Variants in SYNPR observed in about 807,000 individuals in gnomAD.
SYNPR encodes the protein synaptoporin.
In SYNPR, 23 loss-of-function variants were observed where a neutral mutation model predicts 32.9. The ratio of observed to expected loss-of-function variants is 0.70; its 90% CI spans 0.50 to 0.99. The LOEUF (loss-of-function observed/expected upper bound fraction) is 0.99, where lower values mean the gene tolerates loss of function less well. Among genes scored for constraint, SYNPR ranks in the 50% least tolerant of loss-of-function variants. The pLI is 0.00. For missense variants in SYNPR, 318 were observed against 349.3 expected, an observed-to-expected ratio of 0.91 and a Z score of 0.71; for synonymous variants, 146 against 135.9, an observed-to-expected ratio of 1.07 and a Z score of -0.52.
chr3:63,207,307 TA>T, the SYNPR span, among the ~76,000 whole-genome samples: 1 of 152,174 alleles, frequency 6.6e-6, no homozygotes, highest in Non-Finnish European at 1.5e-5. Flanking sequence ...TTTTCCTCTA[TA>T]AAGCATTCTG....
At chr3:63,609,352 C>A (rs371121771) in intron 5 of SYNPR, 36 bp downstream of exon 5, 2 of 1,439,498 alleles carry the variant, frequency 1.4e-6, no homozygotes, top group African/African-American at 2.9e-5. Context: ...CTGTTCATAT[C>A]TTTGTTTGCC....
chr3:63,462,016 C>G (rs1700592536), intron 2 of SYNPR, among the ~76,000 whole-genome samples: 1 of 152,040 alleles, frequency 6.6e-6, no homozygotes, highest in Non-Finnish European at 1.5e-5. Flanking sequence ...GAAGACCCAT[C>G]CCGTCTTGCC....
intron 2 of SYNPR, among the ~76,000 whole-genome samples, chr3:63,442,251 C>CGAGAGA (rs10537945): frequency 2.0e-5 from 3 of 150,136 alleles, no homozygotes; most frequent in Non-Finnish European, 3.0e-5. Flanking sequence ...GGAAGGAAAG[C>CGAGAGA]GAGAGAGAGA....
chr3:63,311,380 A>T (rs2086961953), intron 2 of SYNPR, among the ~76,000 whole-genome samples: 1 of 152,012 alleles, frequency 6.6e-6, no homozygotes, highest in Non-Finnish European at 1.5e-5. Flanking sequence ...ATAAAAGTAG[A>T]TAATGTAGAG....
In SYNPR at chr3:63,351,010, G is replaced by T. The variant is rs190385490; in HGVS notation, c.84+72268G>T. 5.3e-5 allele frequency among the ~76,000 whole-genome samples: 8 copies of T among 152,250 alleles called. No homozygotes were observed. In the East Asian group the frequency reaches 1.5e-3, roughly 29 times the overall value. ...CATATCCTCACTCTCTTGACTGTGTGCCCCTTATCAGACATTATGCTTTCT... is the reference window on the plus strand; with the variant it reads ...CATATCCTCACTCTCTTGACTGTGTTCCCCTTATCAGACATTATGCTTTCT... On this transcript the variant is annotated intron_variant, in intron 2 of 5. Coordinates refer to ENST00000478300, the MANE Select transcript of SYNPR (RefSeq NM_001130003.2).
intron 2 of SYNPR, among the ~76,000 whole-genome samples, chr3:63,420,937 G>A (rs1377160995): frequency 6.6e-6 from 1 of 152,142 alleles, no homozygotes; most frequent in Non-Finnish European, 1.5e-5. Context: ...CTGGAGTGCA[G>A]TGGCGTGATC....
At chr3:63,306,588 CA>C (rs1457509217) in intron 2 of SYNPR, among the ~76,000 whole-genome samples, 1 of 151,164 alleles carries the variant, frequency 6.6e-6, no homozygotes, top group East Asian at 2.0e-4. Flanking sequence ...TAAAATTTAC[CA>C]AGGAGTTCAT....
At chr3:63,608,595 CGAAT>C (rs71099710) in intron 4 of SYNPR, among the ~76,000 whole-genome samples, 6 of 151,904 alleles carry the variant, frequency 3.9e-5, no homozygotes, top group Non-Finnish European at 7.4e-5. Context: ...AGTGAACAAA[CGAAT>C]GAATGAATGA....
At chr3:63,384,745 A>C (rs1021837527) in intron 2 of SYNPR, among the ~76,000 whole-genome samples, 3 of 152,082 alleles carry the variant, frequency 2.0e-5, no homozygotes, top group African/African-American at 7.2e-5. Context: ...CTGTACATTG[A>C]TTTTTCTCAT....
the SYNPR span, among the ~76,000 whole-genome samples, chr3:63,208,456 T>C: frequency 1.9e-4 from 29 of 152,344 alleles, no homozygotes; most frequent in East Asian, 5.4e-3. Context: ...ATGTTGCTGA[T>C]GCTTCATTTA....
chr3:63,393,491 C>CTTTTT lies in SYNPR; in HGVS notation c.85-87339_85-87338insTTTTT, dbSNP rs1482584312. Among the ~76,000 whole-genome samples, 596 of 116,200 alleles carry CTTTTT rather than the reference C, an allele frequency of 5.1e-3. 13 individuals carry two copies. The highest frequency in any genetic ancestry group is 0.021 in the African/African-American group (540 of 26,094). 76.2% of individuals were successfully genotyped at this position (116,200 alleles called of 152,430 possible). ...CCTTTCCTTCCTTCCTTCTTTCTTTCTTCTCTTTTTTTTTTTTTTTTTTTT... is the reference window on the plus strand; with the variant it reads ...CCTTTCCTTCCTTCCTTCTTTCTTTCTTTTTTTCTCTTTTTTTTTTTTTTTTTTTT... On this transcript the variant is annotated intron_variant, in intron 2 of 5. Coordinates refer to ENST00000478300, the MANE Select transcript of SYNPR (RefSeq NM_001130003.2).
At chr3:63,261,812 G>T (rs1386558930) in intron 2 of SYNPR, among the ~76,000 whole-genome samples, 1 of 144,284 alleles carries the variant, frequency 6.9e-6, no homozygotes, top group East Asian at 2.1e-4. Flanking sequence ...TCACTCATAG[G>T]TGGGAATTGA....
chr3:63,201,109 G>C, the SYNPR span, among the ~76,000 whole-genome samples: 1 of 152,118 alleles, frequency 6.6e-6, no homozygotes, highest in African/African-American at 2.4e-5. Flanking sequence ...CCCTAAAAAA[G>C]AGAAATAAGG....
chr3:63,433,905 A>C (rs1480678734), intron 2 of SYNPR, among the ~76,000 whole-genome samples: 1 of 152,170 alleles, frequency 6.6e-6, no homozygotes. Flanking sequence ...CAATTAAAAT[A>C]ATGCCCCAGA....
intron 2 of SYNPR, among the ~76,000 whole-genome samples, chr3:63,286,042 G>A (rs1299086473): frequency 1.3e-5 from 2 of 152,278 alleles, no homozygotes; most frequent in East Asian, 3.9e-4. Flanking sequence ...TTAAAGTCTT[G>A]GCAAAACTCT....
the SYNPR span, among the ~76,000 whole-genome samples, chr3:63,205,610 T>C: frequency 6.6e-6 from 1 of 152,234 alleles, no homozygotes; most frequent in Non-Finnish European, 1.5e-5. Context: ...TGAAAGCTCA[T>C]TGACATAGCC....
At chr3:63,251,506 G>A (rs2086330708) in intron 1 of SYNPR, among the ~76,000 whole-genome samples, 1 of 152,100 alleles carries the variant, frequency 6.6e-6, no homozygotes, top group Non-Finnish European at 1.5e-5. Context: ...CACAATTTTG[G>A]CAGTGTCCTG....
intron 3 of SYNPR, among the ~76,000 whole-genome samples, chr3:63,535,599 A>G (rs975283363): frequency 1.3e-5 from 2 of 152,162 alleles, no homozygotes; most frequent in Non-Finnish European, 2.9e-5. Context: ...ACCAATGGAG[A>G]AGAACTGGTA....
intron 2 of SYNPR, among the ~76,000 whole-genome samples, chr3:63,432,340 C>A (rs1700010384): frequency 6.6e-6 from 1 of 152,104 alleles, no homozygotes; most frequent in Admixed American, 6.6e-5. Context: ...ATTGTTTAAG[C>A]CTTCTGGTGG....
Sources: gnomAD v4.1 joint callset for allele counts (sites outside exome capture counted in the v4.1 genomes callset) on GRCh38, gnomAD v4.1.1 for gene constraint, MANE v1.5 for transcripts, NCBI Gene and HGNC (gene_info 2026-07-23, HGNC 2026-07-21) for gene names.